Variants in RNF217 observed in about 807,000 individuals in gnomAD.
RNF217 encodes ring finger protein 217.
A neutral mutation model predicts 57.8 loss-of-function variants in RNF217; 31 were observed. The ratio of observed to expected loss-of-function variants is 0.54; its 90% confidence interval spans 0.40 to 0.72. RNF217 has a LOEUF of 0.72. Among genes scored for constraint, RNF217 ranks in the 30% least tolerant of loss-of-function variants. The pLI, the probability that RNF217 is intolerant of heterozygous loss-of-function variation, is 0.00. For synonymous variants in RNF217, 313 were observed against 294.0 expected, an observed-to-expected ratio of 1.06 and a Z score of -0.66; for missense variants, 696 against 708.3, an observed-to-expected ratio of 0.98 and a Z score of 0.20.
chr6:125,033,607 G>C (rs1176169099), intron 1 of RNF217, among the ~76,000 whole-genome samples: 1 of 151,154 alleles, frequency 6.6e-6, no homozygotes, highest in Non-Finnish European at 1.5e-5. Flanking sequence ...TTGGACATTT[G>C]GGTTGGTTCC....
chr6:125,022,161 C>A (rs566285785), intron 1 of RNF217, among the ~76,000 whole-genome samples: 7 of 152,284 alleles, frequency 4.6e-5, no homozygotes, highest in African/African-American at 1.7e-4. Flanking sequence ...GGATTACAGG[C>A]CTGCACCACC....
rs1374481864 is a variant in RNF217, at chr6:125,035,925, ATATTT to A, written c.883-9283_883-9279del. ...TTTACTTTTATTTATTTATTTTATT[ATATTT>A]TAAGTTCTGGGATACATGTGCAGAA... On this transcript the variant is annotated intron_variant, in intron 1 of 5. Coordinates refer to ENST00000521654, the MANE Select transcript of RNF217 (RefSeq NM_001286398.3). Among the ~76,000 whole-genome samples, 127 of 151,294 alleles carry A rather than the reference ATATTT, an allele frequency of 8.4e-4. 1 individual carries two copies. The highest frequency in any genetic ancestry group is 2.7e-3 in the African/African-American group (113 of 41,286).
intron 1 of RNF217, among the ~76,000 whole-genome samples, chr6:125,004,064 G>GC (rs1785083553): frequency 6.6e-6 from 1 of 152,070 alleles, no homozygotes; most frequent in Admixed American, 6.5e-5. Flanking sequence ...AGGGGTTACA[G>GC]TTTTTTTCTT....
At chr6:125,015,097 T>C (rs76194917) in intron 1 of RNF217, among the ~76,000 whole-genome samples, 104 of 152,320 alleles carry the variant, frequency 6.8e-4, no homozygotes, top group African/African-American at 2.3e-3. Context: ...AGCAATCACT[T>C]AGAAGTTTCA....
At chr6:125,054,430 C>T (rs191110356) in intron 2 of RNF217, among the ~76,000 whole-genome samples, 16 of 152,268 alleles carry the variant, frequency 1.1e-4, no homozygotes, top group African/African-American at 3.8e-4. Context: ...GTGTGAGAGC[C>T]CTTCTGTCAT....
chr6:124,962,638 A>G lies in RNF217; in HGVS notation c.94A>G (p.Arg32Gly). 1 of 1,324,164 alleles carries G rather than the reference A, an allele frequency of 7.6e-7. No individual in the cohort carries two copies. Among genetic ancestry groups the G allele is most frequent in the Non-Finnish European group, 9.5e-7 (1 of 1,048,240 alleles). 82.0% of individuals were successfully genotyped at this position (1,324,164 alleles called of 1,614,324 possible). A position where few individuals can be genotyped will look rare whatever the true frequency, so the allele number is the denominator to read the frequency against. Residue 32 changes from arginine to glycine, a missense_variant, in exon 1 of 6, where the codon AGG becomes GGG. Transcript: ENST00000521654. This position sits in a 1 kb window ranked among gnomAD's most constrained non-coding sequence, Gnocchi z 4.6. ...CACTGCGGGCCACCCTGAGCCCCCG[A>G]GGCCTCAGGGGGACAGCGCCCGGGC... is the stretch of plus-strand genomic sequence containing the variant. ...SGTAGHPEPP[R>G]PQGDSARAPP... is the part of the protein sequence containing the mutation.
intron 2 of RNF217, among the ~76,000 whole-genome samples, chr6:125,048,688 A>G (rs1481538945): frequency 6.6e-6 from 1 of 152,040 alleles, no homozygotes; most frequent in East Asian, 1.9e-4. Flanking sequence ...GACCTAAAAT[A>G]TCATATATGG....
chr6:125,051,856 T>C (rs1356697722), intron 2 of RNF217, among the ~76,000 whole-genome samples: 1 of 152,018 alleles, frequency 6.6e-6, no homozygotes, highest in African/African-American at 2.4e-5. Flanking sequence ...GCCAGGACTT[T>C]GGGCTATGCA....
chr6:125,006,246 T>G (rs940444238), intron 1 of RNF217: 5 of 152,336 alleles, frequency 3.3e-5, no homozygotes, highest in Admixed American at 1.3e-4. Flanking sequence ...TATGAACTTT[T>G]GACTCGAGTT....
At chr6:125,059,271 T>G (rs1464103138) in intron 3 of RNF217, among the ~76,000 whole-genome samples, 3 of 152,190 alleles carry the variant, frequency 2.0e-5, no homozygotes, top group African/African-American at 7.2e-5. Context: ...TTTCTTTGTT[T>G]TCCTTGTAGA....
chr6:125,060,635 G>T (rs1372219251), intron 3 of RNF217, among the ~76,000 whole-genome samples: 1 of 151,884 alleles, frequency 6.6e-6, no homozygotes, highest in Non-Finnish European at 1.5e-5. Flanking sequence ...AGTAGAGACG[G>T]GGTTTCACCA....
At chr6:125,077,007 T>G in intron 4 of RNF217, 149 bp downstream of exon 4, 1 of 695,672 alleles carries the variant, frequency 1.4e-6, no homozygotes, top group Non-Finnish European at 2.4e-6. Flanking sequence ...AGAATAAAAT[T>G]TAAAACTTAA....
chr6:124,999,186 G>A (rs1442377645), intron 1 of RNF217, among the ~76,000 whole-genome samples: 2 of 152,160 alleles, frequency 1.3e-5, no homozygotes, highest in Admixed American at 6.5e-5. Flanking sequence ...TCTGAGACTG[G>A]CTGATCTTTG....
At chr6:125,041,871 G>C (rs1264374448) in intron 1 of RNF217, among the ~76,000 whole-genome samples, 1 of 151,750 alleles carries the variant, frequency 6.6e-6, no homozygotes, top group Non-Finnish European at 1.5e-5. Context: ...TCTAAGATGT[G>C]ATCAATTGTA....
chr6:125,000,876 C>T (rs1263535512), intron 1 of RNF217, among the ~76,000 whole-genome samples: 3 of 152,056 alleles, frequency 2.0e-5, no homozygotes, highest in South Asian at 2.1e-4. Flanking sequence ...GCATAGCATG[C>T]ATACCACAGG....
intron 1 of RNF217, among the ~76,000 whole-genome samples, chr6:125,037,656 T>C (rs1382059917): frequency 6.6e-6 from 1 of 152,072 alleles, no homozygotes; most frequent in African/African-American, 2.4e-5. Context: ...CATCAGTGAG[T>C]CTGAAATCAA....
chr6:125,054,195 A>G (rs748488246), intron 2 of RNF217, among the ~76,000 whole-genome samples: 6 of 152,150 alleles, frequency 3.9e-5, no homozygotes, highest in Non-Finnish European at 8.8e-5. Context: ...GTTGCAAGAA[A>G]TAGGGAAGAC....
chr6:125,050,041 C>A (rs1258847525), intron 2 of RNF217, among the ~76,000 whole-genome samples: 3 of 151,732 alleles, frequency 2.0e-5, no homozygotes, highest in Non-Finnish European at 4.4e-5. Context: ...AAAAAATATT[C>A]TTTGGGAGGT....
At chr6:125,022,030 C>T (rs1179797257) in intron 1 of RNF217, among the ~76,000 whole-genome samples, 1 of 152,060 alleles carries the variant, frequency 6.6e-6, no homozygotes, top group African/African-American at 2.4e-5. Context: ...CACAAGCATG[C>T]ACCACCACAC....
Sources: allele counts gnomAD v4.1 joint callset (sites outside exome capture counted in the v4.1 genomes callset), GRCh38; gene constraint gnomAD v4.1.1; non-coding constraint Gnocchi (gnomAD v3.1); transcripts MANE v1.5; gene names NCBI Gene and HGNC (gene_info 2026-07-23, HGNC 2026-07-21).